The following SLC8A1 variants were observed in gnomAD, a reference collection of about 807,000 sequenced individuals.
SLC8A1 encodes sodium/calcium exchanger 1.
In SLC8A1, 18 loss-of-function variants were observed where a neutral mutation model predicts 68.3. That is an observed-to-expected ratio of 0.26 (90% CI 0.18 to 0.39). SLC8A1 has a LOEUF of 0.39. Ranked by LOEUF, SLC8A1 falls within the 10% of genes least tolerant of loss-of-function variation. The probability of loss-of-function intolerance (pLI) is 1.00; values close to 1 mark genes in which losing one functional copy is unlikely to be tolerated. For missense variants in SLC8A1, 985 were observed against 1,156.7 expected (o/e 0.85, Z 2.15); for synonymous variants, 475 against 415.5 (o/e 1.14, Z -1.74).
At chr2:40,334,531 T>C (rs757977385) in intron 2 of SLC8A1, among the ~76,000 whole-genome samples, 10 of 152,194 alleles carry the variant, frequency 6.6e-5, no homozygotes, top group Non-Finnish European at 1.0e-4. Flanking sequence ...AAGCTTATTT[T>C]ATTGGTACCA....
intron 4 of SLC8A1, 69 bp downstream of exon 7, chr2:40,170,212 C>G (rs1186334050): frequency 2.9e-6 from 4 of 1,374,054 alleles, no homozygotes; most frequent in Non-Finnish European, 4.1e-6. Context: ...AAATGCATGA[C>G]TGTAATGTCT....
In SLC8A1 at chr2:40,345,895, G is replaced by A. The variant is rs1477303181; in HGVS notation, c.1808+82578C>T. Among the ~76,000 whole-genome samples, 6 of 151,988 alleles carry A rather than the reference G, an allele frequency of 3.9e-5. No individual in the cohort carries two copies. In the East Asian group the frequency reaches 9.7e-4, roughly 24 times the overall value. ...GCATTAGGACAAATACCTAATGCAC[G>A]CGGAGCTTAAAACCTAAATTACAGG... On this transcript the variant is annotated intron_variant, in intron 2 of 7. Transcript: ENST00000406785.
chr2:40,180,773 T>A (rs1169605140), intron 2 of SLC8A1, among the ~76,000 whole-genome samples: 1 of 152,210 alleles, frequency 6.6e-6, no homozygotes, highest in Admixed American at 6.5e-5. Context: ...TATTGGATTA[T>A]AGAAGTAAAG....
At chr2:40,247,751 G>C (rs2062086675) in intron 2 of SLC8A1, among the ~76,000 whole-genome samples, 1 of 152,140 alleles carries the variant, frequency 6.6e-6, no homozygotes, top group African/African-American at 2.4e-5. Flanking sequence ...AGGGACTTAG[G>C]GATTATCCCT....
intron 2 of SLC8A1, among the ~76,000 whole-genome samples, chr2:40,338,079 ATC>A (rs142853526): frequency 5.3e-5 from 8 of 150,572 alleles, no homozygotes; most frequent in Non-Finnish European, 7.4e-5. Flanking sequence ...GTTTCTCTCT[ATC>A]TCTCTCTCTC....
upstream of SLC8A1, among the ~76,000 whole-genome samples, chr2:40,454,430 C>T (rs981771784): frequency 2.0e-5 from 3 of 150,302 alleles, no homozygotes; most frequent in Non-Finnish European, 4.4e-5. Flanking sequence ...GACAAGAACC[C>T]TGTTCTTTAA....
At chr2:40,256,852 G>A (rs1032519086) in intron 2 of SLC8A1, among the ~76,000 whole-genome samples, 4 of 152,092 alleles carry the variant, frequency 2.6e-5, no homozygotes, top group African/African-American at 9.7e-5. Flanking sequence ...TCTGCCACCT[G>A]GGACAGCCTT....
rs1263989765 is a variant in SLC8A1 at position 40,442,039 on chromosome 2, G to A, written c.-25+9865C>T. On this transcript the variant is annotated intron_variant, in intron 1 of 7. Transcript: ENST00000406785. ...AGTCTTTGCTATTGTGAATAGTGCC[G>A]CAATAGTGGTGGGGTGGGGGGAGGG... Among the ~76,000 whole-genome samples the A allele has an allele frequency of 7.0e-4, 82 of 116,456 alleles. 1 individual carries two copies. The highest frequency in any genetic ancestry group is 6.5e-3 in the Admixed American group (59 of 9,108). 76.4% of individuals were successfully genotyped at this position (116,456 alleles called of 152,430 possible).
At chr2:40,202,739 G>A (rs75179805) in intron 2 of SLC8A1, among the ~76,000 whole-genome samples, 5 of 151,906 alleles carry the variant, frequency 3.3e-5, no homozygotes. Context: ...CTACTTCCTG[G>A]TGTCAATGAA....
intron 1 of SLC8A1, among the ~76,000 whole-genome samples, chr2:40,450,502 G>C (rs762398229): frequency 2.0e-5 from 3 of 152,062 alleles, no homozygotes; most frequent in Non-Finnish European, 4.4e-5. Flanking sequence ...CTCATATCTG[G>C]AGATACTCCA....
intron 7 of SLC8A1, among the ~76,000 whole-genome samples, chr2:40,120,356 A>G (rs755578355): frequency 1.3e-5 from 2 of 152,220 alleles, no homozygotes; most frequent in Non-Finnish European, 2.9e-5. Flanking sequence ...TTCACTGACA[A>G]TGAAAGAGGC....
chr2:40,307,144 T>TACACACACAC (rs753955915), intron 2 of SLC8A1, among the ~76,000 whole-genome samples: 2,435 of 101,114 alleles, frequency 0.024, 30 homozygotes, highest in Middle Eastern at 0.077. Context: ...GAAAATGTGA[T>TACACACACAC]ATACACACAC....
intron 2 of SLC8A1, among the ~76,000 whole-genome samples, chr2:40,263,299 CA>C (rs1453387381): frequency 2.6e-5 from 4 of 152,176 alleles, no homozygotes. Flanking sequence ...TAGCATGATA[CA>C]TAACATATAA....
At chr2:40,256,086 G>C (rs916209120) in intron 2 of SLC8A1, among the ~76,000 whole-genome samples, 1 of 152,196 alleles carries the variant, frequency 6.6e-6, no homozygotes, top group Non-Finnish European at 1.5e-5. Flanking sequence ...TAACGACAAT[G>C]AGACTGTGAC....
At chr2:40,209,042 AAAG>A (rs929366222) in intron 2 of SLC8A1, 11 of 152,238 alleles carry the variant, frequency 7.2e-5, no homozygotes, top group African/African-American at 1.2e-4. Context: ...CAGTGAAACA[AAAG>A]AAGAAAAAAA....
intron 2 of SLC8A1, among the ~76,000 whole-genome samples, chr2:40,243,856 C>T (rs1320741724): frequency 6.6e-6 from 1 of 152,056 alleles, no homozygotes; most frequent in African/African-American, 2.4e-5. Context: ...TGCCTCCTTC[C>T]CTCTGATGAG....
intron 2 of SLC8A1, among the ~76,000 whole-genome samples, chr2:40,367,314 A>G (rs1345758599): frequency 1.3e-5 from 2 of 151,884 alleles, no homozygotes; most frequent in African/African-American, 4.8e-5. Flanking sequence ...TCCCTAGTCA[A>G]CCTGGAATTC....
chr2:40,414,020 G>A (rs1035033565), intron 2 of SLC8A1, among the ~76,000 whole-genome samples: 1 of 152,086 alleles, frequency 6.6e-6, no homozygotes, highest in African/African-American at 2.4e-5. Flanking sequence ...AATTATGTAA[G>A]AGAATAACCT....
At chr2:40,243,525 C>T (rs1411430692) in intron 2 of SLC8A1, among the ~76,000 whole-genome samples, 1 of 152,078 alleles carries the variant, frequency 6.6e-6, no homozygotes, top group East Asian at 1.9e-4. Context: ...AGTCTAAGTT[C>T]AGTATTTAAG....
Sources: allele counts gnomAD v4.1 joint callset (sites outside exome capture counted in the v4.1 genomes callset), GRCh38; gene constraint gnomAD v4.1.1; transcripts MANE v1.5; gene names NCBI Gene and HGNC (gene_info 2026-07-23, HGNC 2026-07-21).